The following PLCD4 variants were observed in gnomAD, a reference collection of about 807,000 sequenced individuals.
PLCD4 encodes 1-phosphatidylinositol 4,5-bisphosphate phosphodiesterase delta-4.
PLCD4 carries 63 observed loss-of-function variants against 90.2 expected under a neutral mutation model. The observed-to-expected ratio is 0.70, with a 90% CI of 0.57 to 0.86. The LOEUF is 0.86. PLCD4 is among the 40% of genes least tolerant of loss of function. The probability of loss-of-function intolerance (pLI) is 0.00; values close to 1 mark genes in which losing one functional copy is unlikely to be tolerated. For synonymous variants in PLCD4, 294 were observed against 356.5 expected, an observed-to-expected ratio of 0.82 and a Z score of 1.97; for missense variants, 830 against 956.3, an observed-to-expected ratio of 0.87 and a Z score of 1.74.
At chr2:218,609,111 C>T (rs1695217785) in intron 1 of PLCD4, 1 of 151,262 alleles carries the variant, frequency 6.6e-6, no homozygotes, top group South Asian at 2.1e-4. Flanking sequence ...CCACTGCACT[C>T]CAGCCTGGGC....
At chr2:218,616,925 TATAGAGAGAGAGAGAG>T (rs1358439595) in intron 3 of PLCD4, among the ~76,000 whole-genome samples, 10 of 22,232 alleles carry the variant, frequency 4.5e-4, no homozygotes, top group African/African-American at 1.4e-3. Flanking sequence ...TATATATATA[TATAGAGAGAGAGAGAG>T]AGAGAGAGAG....
chr2:218,611,807 G>A (rs942063496), intron 1 of PLCD4, among the ~76,000 whole-genome samples: 6 of 151,756 alleles, frequency 4.0e-5, no homozygotes, highest in African/African-American at 1.5e-4. Context: ...CTATGTTGGC[G>A]AGGCTTGTCT....
At chr2:218,615,054 CT>C (rs1359485062) in intron 1 of PLCD4, among the ~76,000 whole-genome samples, 3 of 152,028 alleles carry the variant, frequency 2.0e-5, no homozygotes, top group Non-Finnish European at 2.9e-5. Context: ...CAGTGAAAAC[CT>C]GTCTGTACTA....
chr2:218,619,569 A>C lies in PLCD4; in HGVS notation c.410+762A>C, dbSNP rs942217649. Among the ~76,000 whole-genome samples the C allele has an allele frequency of 2.0e-5, 3 of 152,252 alleles. No individual in the cohort carries two copies. The East Asian group carries it at 5.8e-4, about 29-fold the overall frequency. On this transcript the variant is annotated intron_variant, in intron 4 of 15. Coordinates refer to ENST00000450993, the MANE Select transcript of PLCD4 (RefSeq NM_032726.4). ...CAGCCTCCCAAAGTGCTGGGATTAC[A>C]GGCATGAGCCACCACACCCGGCCAG...
intron 3 of PLCD4, among the ~76,000 whole-genome samples, chr2:218,616,883 A>G (rs1695605869): frequency 9.6e-6 from 1 of 103,680 alleles, no homozygotes; most frequent in Non-Finnish European, 2.0e-5. Flanking sequence ...CATTTAATGA[A>G]TGTTAGCCAT....
Position 218,618,796 on chromosome 2 carries a change from G to T in PLCD4, c.399G>T (p.Glu133Asp). ...TTGTCACCAGCATGGACCATCAGGA[G>T]CGCCTGGACCAGTATCGGCAGGATG... is the stretch of plus-strand genomic sequence containing the variant. ...VDLVTSMDHQ[E>D]RLDQWLSDWF... is the part of the protein sequence containing the mutation. Residue 133 changes from glutamate to aspartate, a missense_variant, in exon 4 of 16, where the codon GAG becomes GAT. Physicochemically the swap from Glu to Asp is conservative, Grantham distance 45. Transcript: ENST00000450993. The T allele has an allele frequency of 6.3e-7, 1 of 1,590,280 alleles. No individual in the cohort carries two copies. Among genetic ancestry groups the T allele is most frequent in the Non-Finnish European group, 8.6e-7 (1 of 1,168,080 alleles).
At chr2:218,611,136 G>T (rs1695317122) in intron 1 of PLCD4, among the ~76,000 whole-genome samples, 1 of 152,124 alleles carries the variant, frequency 6.6e-6, no homozygotes, top group South Asian at 2.1e-4. Flanking sequence ...TCTATAAAAT[G>T]AAGTCCAGCT....
chr2:218,628,819 A>AT (rs1194484036), intron 7 of PLCD4: 1 of 154,472 alleles, frequency 6.5e-6, no homozygotes, highest in Middle Eastern at 3.1e-3. Flanking sequence ...AGGGATACAA[A>AT]GATGAGTGGA....
At chr2:218,625,050 TGCA>T (rs35943051) in intron 6 of PLCD4, among the ~76,000 whole-genome samples, 90,678 of 142,824 alleles carry the variant, frequency 0.63, 28,939 homozygotes, top group East Asian at 0.9. Context: ...AGGCAGAGGT[TGCA>T]GCAGTGAGCT....
chr2:218,616,901 TATATA>T (rs1695609716), intron 3 of PLCD4, among the ~76,000 whole-genome samples: 1 of 11,418 alleles, frequency 8.8e-5, no homozygotes, highest in African/African-American at 3.1e-4. Flanking sequence ...CATTATTTTA[TATATA>T]TATATATATA....
Position 218,634,482 on chromosome 2 carries a change from G to A in PLCD4, c.1748G>A (p.Gly583Glu), listed in dbSNP as rs1435404407. The change falls in exon 13 of 16, where the codon GGG becomes GAG. Residue 583 changes from glycine (G) to glutamate (E), a missense_variant. Coordinates refer to ENST00000450993, the MANE Select transcript of PLCD4 (RefSeq NM_032726.4). The surrounding 1 kb of genome is among the most constrained non-coding windows in gnomAD (Gnocchi z 4.0). ...GTGGCCATGAATATGCAGACTGCAGGGCTTGAAATGGACATCTGTGATGGG... is the reference window on the plus strand; with the variant it reads ...GTGGCCATGAATATGCAGACTGCAGAGCTTGAAATGGACATCTGTGATGGG... ...QMVAMNMQTA[G>E]LEMDICDGHF... 1 of 1,613,862 alleles carries A rather than the reference G, an allele frequency of 6.2e-7. No homozygotes were observed.
chr2:218,619,673 G>A (rs1057326322), intron 4 of PLCD4, among the ~76,000 whole-genome samples: 6 of 151,874 alleles, frequency 4.0e-5, no homozygotes, highest in African/African-American at 1.5e-4. Context: ...TTTTTGTTTG[G>A]CCTGTAATCC....
At position 218,621,354 on chromosome 2, in the gene PLCD4, C is replaced by T. The variant is rs1175942993; in HGVS notation, c.411-116C>T. ...AGAAGCTGTGTGGAGAATGGATTGGCACCGGGGAGAGAGACTGGCAGGAAA... is the reference window on the plus strand; with the variant it reads ...AGAAGCTGTGTGGAGAATGGATTGGTACCGGGGAGAGAGACTGGCAGGAAA... On this transcript the variant is annotated intron_variant, in intron 4 of 15. Transcript: ENST00000450993. 22 of 1,219,606 alleles carry T rather than the reference C, an allele frequency of 1.8e-5. No homozygotes were observed. The South Asian group carries it at 2.9e-4, about 16-fold the overall frequency. The allele number at this position is 1,219,606 out of a possible 1,614,324, so 75.5% of individuals were successfully genotyped here.
chr2:218,629,914 A>C (rs1294411012), intron 8 of PLCD4, among the ~76,000 whole-genome samples: 1 of 152,230 alleles, frequency 6.6e-6, no homozygotes, highest in Non-Finnish European at 1.5e-5. Context: ...GTGGTGGCTC[A>C]TGCCTGTAAT....
At chr2:218,612,279 C>G (rs1032311083) in intron 1 of PLCD4, among the ~76,000 whole-genome samples, 3 of 152,206 alleles carry the variant, frequency 2.0e-5, no homozygotes, top group Non-Finnish European at 4.4e-5. Flanking sequence ...CATCCCCACT[C>G]AGAAAAGCAG....
chr2:218,608,164 A>T (rs1406535823), intron 1 of PLCD4, 94 bp downstream of exon 1: 1 of 152,520 alleles, frequency 6.6e-6, no homozygotes, highest in Non-Finnish European at 1.5e-5. Flanking sequence ...CACCCTGATT[A>T]AATTGTACCC....
chr2:218,620,893 CAAAAAAAAAAA>C (rs34369545), intron 4 of PLCD4, among the ~76,000 whole-genome samples: 1 of 61,894 alleles, frequency 1.6e-5, no homozygotes, highest in African/African-American at 6.8e-5. Flanking sequence ...GACTCTGTCT[CAAAAAAAAAAA>C]AAAAAAAAAA....
At chr2:218,624,041 T>C (rs1696000870) in intron 6 of PLCD4, among the ~76,000 whole-genome samples, 1 of 152,184 alleles carries the variant, frequency 6.6e-6, no homozygotes, top group Non-Finnish European at 1.5e-5. Context: ...TTAAGTCAGT[T>C]GTATAAAAGA....
At chr2:218,618,506 G>A in intron 3 of PLCD4, 73 bp from the exon 4 acceptor site, 2 of 1,326,128 alleles carry the variant, frequency 1.5e-6, no homozygotes, top group Non-Finnish European at 2.1e-6. Context: ...GGGGGTGCTG[G>A]TCCTTCACTC....
Sources: allele counts gnomAD v4.1 joint callset (sites outside exome capture counted in the v4.1 genomes callset), GRCh38; gene constraint gnomAD v4.1.1; non-coding constraint Gnocchi (gnomAD v3.1); transcripts MANE v1.5; gene names NCBI Gene and HGNC (gene_info 2026-07-23, HGNC 2026-07-21).